BMPR1B: variants seen among roughly 807,000 people sequenced by gnomAD.
BMPR1B encodes bone morphogenetic protein receptor type 1B.
BMPR1B carries 12 observed loss-of-function variants against 59.1 expected under a neutral mutation model. The ratio of observed to expected loss-of-function variants is 0.20; its 90% CI spans 0.13 to 0.33. The LOEUF (loss-of-function observed/expected upper bound fraction) is 0.33. BMPR1B is among the 10% of genes least tolerant of loss of function. The pLI is 1.00. For missense variants in BMPR1B, 550 were observed against 610.9 expected, an observed-to-expected ratio of 0.90 and a Z score of 1.05; for synonymous variants, 237 against 207.3, an observed-to-expected ratio of 1.14 and a Z score of -1.23.
chr4:95,011,665 A>G (rs1018042279), intron 3 of BMPR1B, among the ~76,000 whole-genome samples: 17 of 152,264 alleles, frequency 1.1e-4, no homozygotes, highest in African/African-American at 3.6e-4. Context: ...TGGCTACCTC[A>G]TGATCTTTTA....
chr4:94,992,008 C>A (rs550679885), intron 2 of BMPR1B, among the ~76,000 whole-genome samples: 8 of 152,266 alleles, frequency 5.3e-5, no homozygotes, highest in African/African-American at 1.9e-4. Flanking sequence ...ATCTAAAGTT[C>A]ATCATGTCCC....
chr4:94,789,611 ATAAG>A (rs1328579283), intron 1 of BMPR1B, among the ~76,000 whole-genome samples: 3 of 152,228 alleles, frequency 2.0e-5, no homozygotes, highest in East Asian at 1.9e-4. Context: ...CATAAAATAA[ATAAG>A]TAATAAGTCA....
chr4:95,014,219 A>T (rs1723417495), intron 3 of BMPR1B, among the ~76,000 whole-genome samples: 1 of 152,198 alleles, frequency 6.6e-6, no homozygotes, highest in Non-Finnish European at 1.5e-5. Context: ...TCAACTGTAA[A>T]ATCTTTTCTA....
At position 94,949,357 on chromosome 4, in the gene BMPR1B, C is replaced by T. The variant is rs1477085683; in HGVS notation, c.-112-46683C>T. The stretch of plus-strand genomic sequence containing the variant: ...CGGAGTCTCGCTCTGTCGCCCAGGC[C>T]GGACTGCGGACTGCAGTGGCGCAAT... On this transcript the variant is annotated intron_variant, in intron 2 of 12. Transcript: ENST00000515059. Among the ~76,000 whole-genome samples, 23 of 65,166 alleles carry T rather than the reference C, an allele frequency of 3.5e-4. 5 individuals carry two copies. In the Middle Eastern group the frequency reaches 0.021, roughly 61 times the overall value. The allele number at this position is 65,166 out of a possible 152,430, so 42.8% of individuals were successfully genotyped here. A position where few individuals can be genotyped will look rare whatever the true frequency, so the allele number is the denominator to read the frequency against.
chr4:94,838,695 C>T (rs1450739487), intron 1 of BMPR1B, among the ~76,000 whole-genome samples: 1 of 138,694 alleles, frequency 7.2e-6, no homozygotes, highest in Admixed American at 7.1e-5. Flanking sequence ...TTTTGTTGAT[C>T]CTTTCAAAAA....
In BMPR1B at chr4:94,970,306, TTCTC is replaced by T. The variant is rs1490527752; in HGVS notation, c.-112-25726_-112-25723del. 8.1e-5 allele frequency among the ~76,000 whole-genome samples: 8 copies of T among 98,404 alleles called. No homozygotes were observed. The South Asian group carries it at 1.6e-3, about 20-fold the overall frequency. The allele number at this position is 98,404 out of a possible 152,430, so 64.6% of individuals were successfully genotyped here. ...CTTCTCTTCTCTTCTCTTCTCTTCT[TTCTC>T]TCTCTCTTTCTCTCTTTTTCTCTTT... On this transcript the variant is annotated intron_variant, in intron 2 of 12. Transcript: ENST00000515059.
In BMPR1B at chr4:94,934,138, T is replaced by C. The variant is rs372310972; in HGVS notation, c.-113+58238T>C. Among the ~76,000 whole-genome samples the C allele has an allele frequency of 3.3e-5, 5 of 152,306 alleles. No individual in the cohort carries two copies. In the East Asian group the frequency reaches 9.7e-4, roughly 29 times the overall value. On this transcript the variant is annotated intron_variant, in intron 2 of 12. Coordinates refer to ENST00000515059, the MANE Select transcript of BMPR1B (RefSeq NM_001203.3). ...TGTGATTTGGTTCATTTCAGTTATTTGTAGCATCCACGAATATTTAGTCAA... is the reference window on the plus strand; with the variant it reads ...TGTGATTTGGTTCATTTCAGTTATTCGTAGCATCCACGAATATTTAGTCAA...
At chr4:94,793,342 T>C (rs1345996684) in intron 1 of BMPR1B, among the ~76,000 whole-genome samples, 1 of 151,812 alleles carries the variant, frequency 6.6e-6, no homozygotes, top group Non-Finnish European at 1.5e-5. Flanking sequence ...ACAAAGGACA[T>C]GAACTCATCA....
chr4:94,883,263 C>T (rs1052449854), intron 2 of BMPR1B, among the ~76,000 whole-genome samples: 23 of 152,124 alleles, frequency 1.5e-4, no homozygotes, highest in Admixed American at 3.9e-4. Context: ...AACTACATGC[C>T]GGATTTCTGT....
chr4:94,807,828 G>T (rs1215282727), intron 1 of BMPR1B, among the ~76,000 whole-genome samples: 2 of 152,080 alleles, frequency 1.3e-5, no homozygotes, highest in Non-Finnish European at 2.9e-5. Flanking sequence ...GGGATTACAG[G>T]CGCCTGCCAC....
chr4:94,892,876 T>C (rs1205911118), intron 2 of BMPR1B, among the ~76,000 whole-genome samples: 1 of 152,106 alleles, frequency 6.6e-6, no homozygotes, highest in African/African-American at 2.4e-5. Context: ...ATGTACTATT[T>C]CCTGAGGAAA....
intron 2 of BMPR1B, among the ~76,000 whole-genome samples, chr4:94,981,881 G>A (rs1721107435): frequency 6.6e-6 from 1 of 152,142 alleles, no homozygotes; most frequent in Non-Finnish European, 1.5e-5. Flanking sequence ...TACAGCTGTA[G>A]CTGGTGAACT....
rs193135495 is a variant in BMPR1B, at chr4:94,784,099, A to C, written c.-183+26031A>C. Among the ~76,000 whole-genome samples the C allele has an allele frequency of 1.2e-4, 18 of 152,242 alleles. No homozygotes were observed. In the East Asian group the frequency reaches 3.3e-3, roughly 28 times the overall value. On this transcript the variant is annotated intron_variant, in intron 1 of 12. Transcript: ENST00000515059. ...TTCTTGCTCTTAAGACAATTTCCAGAGACTTTAAGTGTTTTCTTAGTTTTT... is the reference window on the plus strand; with the variant it reads ...TTCTTGCTCTTAAGACAATTTCCAGCGACTTTAAGTGTTTTCTTAGTTTTT...
At chr4:94,877,995 A>G (rs1407976226) in intron 2 of BMPR1B, among the ~76,000 whole-genome samples, 1 of 152,164 alleles carries the variant, frequency 6.6e-6, no homozygotes, top group East Asian at 1.9e-4. Context: ...TTGGAATGAT[A>G]TCGCCTATAT....
intron 10 of BMPR1B, among the ~76,000 whole-genome samples, chr4:95,146,606 C>G (rs1262741754): frequency 2.6e-5 from 4 of 152,148 alleles, no homozygotes; most frequent in African/African-American, 9.7e-5. Flanking sequence ...TCTTCTTGTT[C>G]TGGAATACAG....
At position 95,091,364 on chromosome 4, in the gene BMPR1B, A is replaced by C. The variant is rs1217445276; in HGVS notation, c.-17-13044A>C. On this transcript the variant is annotated intron_variant, in intron 3 of 12. Transcript: ENST00000515059. Reference sequence around the variant, plus strand: ...CACTGTCATATGCCATGGGTCCTGAACATAGCTCATTGCTTGACCGGAATA... The same window carrying C: ...CACTGTCATATGCCATGGGTCCTGACCATAGCTCATTGCTTGACCGGAATA... 2.3e-5 allele frequency: 16 copies of C among 688,982 alleles called. No individual in the cohort carries two copies. The South Asian group carries it at 4.6e-4, about 20-fold the overall frequency. 42.7% of individuals were successfully genotyped at this position (688,982 alleles called of 1,614,324 possible).
chr4:94,854,009 T>C (rs551536870), intron 1 of BMPR1B, among the ~76,000 whole-genome samples: 1 of 152,276 alleles, frequency 6.6e-6, no homozygotes, highest in African/African-American at 2.4e-5. Flanking sequence ...TACCTTCCTC[T>C]TATTGCAAAT....
chr4:94,808,779 G>A (rs1723705098), intron 1 of BMPR1B, among the ~76,000 whole-genome samples: 1 of 152,130 alleles, frequency 6.6e-6, no homozygotes, highest in Non-Finnish European at 1.5e-5. Context: ...TTTACAGGCT[G>A]GGCGCAGTGG....
At chr4:95,135,375 GT>G (rs1236748951) in intron 10 of BMPR1B, among the ~76,000 whole-genome samples, 9 of 152,232 alleles carry the variant, frequency 5.9e-5, no homozygotes, top group Non-Finnish European at 2.9e-5. Context: ...AAACTTTAAA[GT>G]AGTTTTTTCC....
Sources: gnomAD v4.1 joint callset for allele counts (sites outside exome capture counted in the v4.1 genomes callset) on GRCh38, gnomAD v4.1.1 for gene constraint, MANE v1.5 for transcripts, NCBI Gene and HGNC (gene_info 2026-07-23, HGNC 2026-07-21) for gene names.